SPATA6: variants seen among roughly 807,000 people sequenced by gnomAD.
SPATA6 encodes the protein spermatogenesis-associated protein 6.
A neutral mutation model predicts 65.3 loss-of-function variants in SPATA6; 56 were observed. The ratio of observed to expected loss-of-function variants is 0.86; its 90% CI spans 0.69 to 1.07. The LOEUF (loss-of-function observed/expected upper bound fraction) is 1.07, where lower values mean the gene tolerates loss of function less well. Among genes scored for constraint, SPATA6 ranks in the 50% least tolerant of loss-of-function variants. The pLI is 0.00. For missense variants in SPATA6, 590 were observed against 594.8 expected, an observed-to-expected ratio of 0.99 and a Z score of 0.08; for synonymous variants, 199 against 213.2, an observed-to-expected ratio of 0.93 and a Z score of 0.58.
At chr1:48,322,884 C>T (rs188205030) in intron 11 of SPATA6, among the ~76,000 whole-genome samples, 1 of 152,254 alleles carries the variant, frequency 6.6e-6, no homozygotes, top group African/African-American at 2.4e-5. Context: ...TCATCTCATG[C>T]CAGTTAGAAT....
intron 3 of SPATA6, among the ~76,000 whole-genome samples, chr1:48,438,433 C>T (rs571535843): frequency 9.8e-5 from 15 of 152,302 alleles, no homozygotes; most frequent in Admixed American, 9.8e-4. Flanking sequence ...GTCAGGCTTT[C>T]TGGGAAAGAG....
chr1:48,437,582 A>G (rs1005760192), intron 3 of SPATA6, among the ~76,000 whole-genome samples: 1 of 152,182 alleles, frequency 6.6e-6, no homozygotes, highest in African/African-American at 2.4e-5. Flanking sequence ...CAGTGCTTCC[A>G]AGTACATCTT....
In SPATA6 at chr1:48,436,695, T is replaced by C. The variant is rs1654971636; in HGVS notation, c.238+14857A>G. 4 of 1,614,200 alleles carry C rather than the reference T, an allele frequency of 2.5e-6. No individual in the cohort carries two copies. The Admixed American group carries it at 5.0e-5, about 20-fold the overall frequency. On this transcript the variant is annotated intron_variant, in intron 3 of 12. Coordinates refer to ENST00000371847, the MANE Select transcript of SPATA6 (RefSeq NM_019073.4). Reference sequence around the variant, plus strand: ...CAGAACTACTGAGACAGGATTTACATGGGTATAATGTGAAGTCAGATATTT... The same window carrying C: ...CAGAACTACTGAGACAGGATTTACACGGGTATAATGTGAAGTCAGATATTT...
intron 1 of SPATA6, among the ~76,000 whole-genome samples, chr1:48,460,120 G>C (rs1657315911): frequency 2.0e-5 from 3 of 151,824 alleles, no homozygotes; most frequent in African/African-American, 7.3e-5. Context: ...ACAAGCAGGT[G>C]CCACCATGCC....
At chr1:48,387,118 G>T (rs1649556939) in intron 8 of SPATA6, among the ~76,000 whole-genome samples, 1 of 152,190 alleles carries the variant, frequency 6.6e-6, no homozygotes, top group South Asian at 2.1e-4. Context: ...AGCAGGCAAA[G>T]AGAGAGAACT....
At chr1:48,302,199 T>C (rs1644955652) in intron 12 of SPATA6, among the ~76,000 whole-genome samples, 1 of 152,216 alleles carries the variant, frequency 6.6e-6, no homozygotes, top group Non-Finnish European at 1.5e-5. Context: ...GTTTCTTTAT[T>C]TTTTTAATTG....
chr1:48,436,125 C>A (rs1654918049), intron 3 of SPATA6: 2 of 1,610,022 alleles, frequency 1.2e-6, no homozygotes, highest in Admixed American at 3.3e-5. Context: ...TATGTTCCAC[C>A]AACGTTTCTC....
chr1:48,317,527 T>A (rs968427473), intron 11 of SPATA6, among the ~76,000 whole-genome samples: 8 of 143,080 alleles, frequency 5.6e-5, no homozygotes, highest in Non-Finnish European at 1.2e-4. Flanking sequence ...GGGCCTGTTG[T>A]GGGGTGGGGG....
intron 4 of SPATA6, 55 bp downstream of exon 4, chr1:48,413,055 T>C (rs943541534): frequency 1.9e-6 from 1 of 516,226 alleles, no homozygotes. Flanking sequence ...ATATATTATA[T>C]ATTACATCAA....
chr1:48,285,956 C>T, the SPATA6 span, among the ~76,000 whole-genome samples: 7 of 152,232 alleles, frequency 4.6e-5, no homozygotes, highest in South Asian at 1.5e-3. Flanking sequence ...ATTCTTGACA[C>T]CGTTGTTGAA....
intron 3 of SPATA6, among the ~76,000 whole-genome samples, chr1:48,434,545 T>G (rs148250073): frequency 6.6e-6 from 1 of 152,180 alleles, no homozygotes; most frequent in East Asian, 1.9e-4. Flanking sequence ...TTTATATATG[T>G]TGGTAAGAGA....
intron 2 of SPATA6, among the ~76,000 whole-genome samples, chr1:48,452,434 A>T (rs1656657024): frequency 6.7e-6 from 1 of 150,108 alleles, no homozygotes; most frequent in East Asian, 2.0e-4. Context: ...CCCAGGCTGG[A>T]GTGCAGTGGC....
intron 11 of SPATA6, among the ~76,000 whole-genome samples, chr1:48,342,412 G>C (rs369154974): frequency 1.3e-5 from 2 of 151,888 alleles, no homozygotes; most frequent in Admixed American, 6.6e-5. Context: ...TCAGAAGATC[G>C]AGACCATCCT....
chr1:48,471,356 G>A (rs577863480), intron 1 of SPATA6, among the ~76,000 whole-genome samples: 1 of 152,320 alleles, frequency 6.6e-6, no homozygotes, highest in Admixed American at 6.5e-5. Context: ...GGAGGGGCCT[G>A]AAGTGATTTC....
the SPATA6 span, among the ~76,000 whole-genome samples, chr1:48,267,751 G>GGTTT: frequency 1.6e-4 from 12 of 75,980 alleles, 1 homozygote; most frequent in South Asian, 5.9e-3. Context: ...CTAGGGTCTG[G>GGTTT]GTTTTTTTTT....
At chr1:48,440,264 C>G (rs1655337099) in intron 3 of SPATA6, among the ~76,000 whole-genome samples, 2 of 152,132 alleles carry the variant, frequency 1.3e-5, no homozygotes, top group South Asian at 2.1e-4. Flanking sequence ...TACAGCAGAT[C>G]AAGGCAGACC....
rs1646757177 is a variant in SPATA6, at chr1:48,359,754, T to G, written c.926A>C (p.His309Pro). 1.2e-6 allele frequency: 2 copies of G among 1,611,720 alleles called. No individual in the cohort carries two copies. Among genetic ancestry groups the G allele is most frequent in the Non-Finnish European group, 1.7e-6 (2 of 1,178,974 alleles). ...PKDYKVIRTP[H>P]GRDFDDSLEK... ...TAAAGAGTCATCGAAGTCTCTCCCA[T>G]GGGGTGTCCTGATAACCTGTTTTAA... Residue 309 changes from histidine (H) to proline (P), a missense_variant, in exon 10 of 13, where the codon CAT (histidine) becomes CCT (proline). Coordinates refer to ENST00000371847, the MANE Select transcript of SPATA6 (RefSeq NM_019073.4).
Position 48,327,692 on chromosome 1 carries a change from T to C in SPATA6, c.1195-21814A>G, listed in dbSNP as rs1222931093. Among the ~76,000 whole-genome samples, 7 of 152,244 alleles carry C rather than the reference T, an allele frequency of 4.6e-5. No homozygotes were observed. In the Middle Eastern group the frequency reaches 0.01, roughly 222 times the overall value. ...TTGCAGCAACACAGATAGGCCAATG[T>C]CCTAAATGAACTAACTCAGAAACAT... On this transcript the variant is annotated intron_variant, in intron 11 of 12. Transcript: ENST00000371847.
rs757762762 is a variant in SPATA6 at position 48,349,575 on chromosome 1, G to T, written c.1194+6095C>A. Among the ~76,000 whole-genome samples, 34 of 151,942 alleles carry T rather than the reference G, an allele frequency of 2.2e-4. No homozygotes were observed. The Middle Eastern group carries it at 0.02, about 91-fold the overall frequency. On this transcript the variant is annotated intron_variant, in intron 11 of 12. Transcript: ENST00000371847. ...CTATGAGTTTTGACAAATGCATAAA[G>T]TTATTTATTGATCACTCCCATACCA... is the stretch of plus-strand genomic sequence containing the variant.
Sources: allele counts gnomAD v4.1 joint callset (sites outside exome capture counted in the v4.1 genomes callset), GRCh38; gene constraint gnomAD v4.1.1; transcripts MANE v1.5; gene names NCBI Gene and HGNC (gene_info 2026-07-23, HGNC 2026-07-21).